ATPAF1: variants seen among roughly 807,000 people sequenced by gnomAD.
The protein encoded by ATPAF1 is ATP synthase mitochondrial F1 complex assembly factor 1.
ATPAF1 carries 26 observed loss-of-function variants against 43.9 expected under a neutral mutation model. The ratio of observed to expected loss-of-function variants is 0.59; its 90% CI spans 0.43 to 0.82. The LOEUF is 0.82. Among genes scored for constraint, ATPAF1 ranks in the 40% least tolerant of loss-of-function variants. The probability of loss-of-function intolerance (pLI) is 0.00; values close to 1 mark genes in which losing one functional copy is unlikely to be tolerated. For synonymous variants in ATPAF1, 157 were observed against 168.0 expected, an observed-to-expected ratio of 0.93 and a Z score of 0.50; for missense variants, 366 against 435.0, an observed-to-expected ratio of 0.84 and a Z score of 1.41.
chr1:46,646,718 C>G (rs1676051022), intron 6 of ATPAF1, among the ~76,000 whole-genome samples: 1 of 152,146 alleles, frequency 6.6e-6, no homozygotes, highest in African/African-American at 2.4e-5. Flanking sequence ...TGAAATACAA[C>G]AAAGTGCACA....
At position 46,668,057 on chromosome 1, in the gene ATPAF1, C is replaced by T; in HGVS notation, c.266G>A (p.Arg89Lys). Residue 89 changes from arginine (R) to lysine (K), a missense_variant and splice_region_variant, in exon 1 of 9, where the codon AGG becomes AAG. Coordinates refer to ENST00000574428, the Ensembl canonical transcript of ATPAF1. The surrounding 1 kb of genome is among the most constrained non-coding windows in gnomAD (Gnocchi z 4.4). ...GCCTCCAGCCAACCCAGGCCCGCAC[C>T]TGCGCAGCAGCTGGATCTTGTCGCG... The T allele has an allele frequency of 7.1e-7, 1 of 1,413,850 alleles. No homozygotes were observed. Among genetic ancestry groups the T allele is most frequent in the Non-Finnish European group, 9.3e-7 (1 of 1,080,136 alleles). 87.6% of individuals were successfully genotyped at this position (1,413,850 alleles called of 1,614,324 possible).
intron 6 of ATPAF1, among the ~76,000 whole-genome samples, chr1:46,650,990 TTTTA>T (rs776593927): frequency 3.0e-4 from 46 of 152,110 alleles, no homozygotes; most frequent in East Asian, 7.7e-4. Flanking sequence ...TATATTTTCT[TTTTA>T]TTTATTTATT....
chr1:46,639,423 G>C (rs529305424), intron 8 of ATPAF1, among the ~76,000 whole-genome samples: 1 of 152,284 alleles, frequency 6.6e-6, no homozygotes, highest in Middle Eastern at 3.4e-3. Context: ...CTTTGGGCCA[G>C]GGATATCACC....
At chr1:46,667,617 C>T (rs544500927) in intron 1 of ATPAF1, among the ~76,000 whole-genome samples, 184 of 152,298 alleles carry the variant, frequency 1.2e-3, no homozygotes, top group African/African-American at 4.1e-3. Flanking sequence ...CCTCCCATCC[C>T]CAGTCGCCTT....
intron 7 of ATPAF1, 81 bp downstream of exon 7, chr1:46,645,080 G>A: frequency 1.0e-6 from 1 of 1,000,720 alleles, no homozygotes; most frequent in Non-Finnish European, 1.5e-6. Context: ...GCTATTCTGT[G>A]TCCTTGAGCC....
At position 46,643,355 on chromosome 1, in the gene ATPAF1, C is replaced by A. The variant is rs534437136; in HGVS notation, c.685-54G>T. The A allele has an allele frequency of 2.1e-4, 289 of 1,400,400 alleles. 5 individuals are homozygous for A. The South Asian group carries it at 2.5e-3, about 12-fold the overall frequency. 86.7% of individuals were successfully genotyped at this position (1,400,400 alleles called of 1,614,324 possible). A position where few individuals can be genotyped will look rare whatever the true frequency, so the allele number is the denominator to read the frequency against. On this transcript the variant is annotated intron_variant, in intron 7 of 8. Transcript: ENST00000574428. ...AATAAGGTACCATCACAACAAACTGCAATTTCAAAGCAATAGACAGTCTAG... is the reference window on the plus strand; with the variant it reads ...AATAAGGTACCATCACAACAAACTGAAATTTCAAAGCAATAGACAGTCTAG...
At chr1:46,646,393 C>T (rs75271679) in intron 6 of ATPAF1, among the ~76,000 whole-genome samples, 3 of 152,268 alleles carry the variant, frequency 2.0e-5, no homozygotes, top group East Asian at 1.9e-4. Flanking sequence ...TGAATTAGCT[C>T]GTTCCAATTG....
At chr1:46,658,398 C>T (rs1676317126) in intron 3 of ATPAF1, among the ~76,000 whole-genome samples, 1 of 152,182 alleles carries the variant, frequency 6.6e-6, no homozygotes, top group Non-Finnish European at 1.5e-5. Flanking sequence ...AGGAGTCTCT[C>T]TTAGGTTGCC....
At chr1:46,635,884 G>A (rs139683803) in exon 9 of ATPAF1, 1 of 1,614,254 alleles carries the variant, frequency 6.2e-7, no homozygotes. Flanking sequence ...TGAGGTTAAA[G>A]GTCTCCACTA....
intron 4 of ATPAF1, among the ~76,000 whole-genome samples, chr1:46,655,694 T>C (rs564077261): frequency 8.5e-5 from 13 of 152,224 alleles, no homozygotes; most frequent in Admixed American, 7.2e-4. Context: ...TTTTTACATG[T>C]TATTGGCTCT....
intron 8 of ATPAF1, among the ~76,000 whole-genome samples, chr1:46,638,515 G>A (rs909976753): frequency 7.2e-5 from 11 of 151,928 alleles, no homozygotes; most frequent in African/African-American, 2.2e-4. Context: ...CCAGCTACTC[G>A]GGAGGCTGAG....
Position 46,652,577 on chromosome 1 carries a change from T to C in ATPAF1, c.588+4A>G. ...CAACCCTTACGTGATCACCAGAAAC[T>C]TACTGTTGGACAGGACTGAGCCCGG... On this transcript the variant is annotated splice_donor_region_variant and intron_variant, in intron 6 of 8. Coordinates refer to ENST00000574428, the Ensembl canonical transcript of ATPAF1. The C allele has an allele frequency of 1.9e-6, 3 of 1,613,054 alleles. No individual in the cohort carries two copies. The highest frequency in any genetic ancestry group is 2.5e-6 in the Non-Finnish European group (3 of 1,179,278).
exon 9 of ATPAF1, chr1:46,635,537 C>T (rs113289280): frequency 1.0e-4 from 50 of 501,806 alleles, no homozygotes; most frequent in African/African-American, 7.4e-4. Flanking sequence ...GTTATAACCT[C>T]GAACACTTAA....
chr1:46,654,762 C>T (rs1272557381), intron 4 of ATPAF1, among the ~76,000 whole-genome samples: 4 of 151,974 alleles, frequency 2.6e-5, no homozygotes, highest in African/African-American at 7.3e-5. Context: ...CATTGTTCAA[C>T]TCTCACTTAT....
chr1:46,664,709 T>C (rs1226113680), intron 2 of ATPAF1: 1 of 152,272 alleles, frequency 6.6e-6, no homozygotes. Context: ...TTTTTGTAGA[T>C]TAAGTTTTAC....
chr1:46,646,670 G>C (rs1486599265), intron 6 of ATPAF1, among the ~76,000 whole-genome samples: 3 of 152,090 alleles, frequency 2.0e-5, no homozygotes, highest in Non-Finnish European at 2.9e-5. Context: ...TCCCTTGCTA[G>C]GGAAAATATT....
rs1448623891 is a variant in ATPAF1, at chr1:46,668,268, C to A, written c.55G>T (p.Val19Leu). The A allele has an allele frequency of 7.2e-7, 1 of 1,386,238 alleles. No individual in the cohort carries two copies. The highest frequency in any genetic ancestry group is 2.7e-5 in the Admixed American group (1 of 37,346). 85.9% of individuals were successfully genotyped at this position (1,386,238 alleles called of 1,614,324 possible). A position where few individuals can be genotyped will look rare whatever the true frequency, so the allele number is the denominator to read the frequency against. The change falls in exon 1 of 9, where the codon GTG (valine) becomes TTG (leucine). Residue 19 changes from valine to leucine, a missense_variant. By Grantham distance (32) the Val-to-Leu change is conservative. Coordinates refer to ENST00000574428, the Ensembl canonical transcript of ATPAF1. This position sits in a 1 kb window ranked among gnomAD's most constrained non-coding sequence, Gnocchi z 4.4. ...CACAGGCCCCGGTAGAGACCGGCCA[C>A]CTGCAGGACCGCCGGTCCCGCGCCA... is the stretch of plus-strand genomic sequence containing the variant.
At chr1:46,644,962 TG>T (rs1352138560) in intron 7 of ATPAF1, among the ~76,000 whole-genome samples, 198 bp downstream of exon 7, 1 of 152,238 alleles carries the variant, frequency 6.6e-6, no homozygotes, top group Non-Finnish European at 1.5e-5. Flanking sequence ...GAAGGTGTTT[TG>T]GAGTCTTTTC....
At chr1:46,664,927 C>T (rs776685570) in intron 2 of ATPAF1, 11 of 240,288 alleles carry the variant, frequency 4.6e-5, no homozygotes, top group East Asian at 9.2e-5. Flanking sequence ...TCCCCCACAA[C>T]GTTCCTAGCC....
Sources: allele counts gnomAD v4.1 joint callset (sites outside exome capture counted in the v4.1 genomes callset), GRCh38; gene constraint gnomAD v4.1.1; non-coding constraint Gnocchi (gnomAD v3.1); transcripts MANE v1.5; gene names NCBI Gene and HGNC (gene_info 2026-07-23, HGNC 2026-07-21).